NOS1: variants seen among roughly 807,000 people sequenced by gnomAD.
NOS1 encodes the protein nitric oxide synthase 1, also known as NOS type I.
Under a neutral mutation model 164.5 loss-of-function variants are expected in NOS1, and 51 were observed. That is an observed-to-expected ratio of 0.31 (90% CI 0.25 to 0.39). The LOEUF (loss-of-function observed/expected upper bound fraction) is 0.39. Ranked by LOEUF, NOS1 falls within the 10% of genes least tolerant of loss-of-function variation. NOS1 has a pLI of 1.00. For synonymous variants in NOS1, 719 were observed against 745.8 expected (o/e 0.96, Z 0.59); for missense variants, 1,362 against 1,885.6 (o/e 0.72, Z 5.14).
In NOS1 at chr12:117,262,474, A is replaced by G. The variant is rs530705178; in HGVS notation, c.2222+1415T>C. 4.6e-3 allele frequency among the ~76,000 whole-genome samples: 565 copies of G among 123,346 alleles called. 4 individuals are homozygous for G. Among genetic ancestry groups the G allele is most frequent in the African/African-American group, 0.018 (521 of 29,374 alleles). 80.9% of individuals were successfully genotyped at this position (123,346 alleles called of 152,430 possible). On this transcript the variant is annotated intron_variant, in intron 13 of 28. Transcript: ENST00000317775. ...AGAGAGAGGAGAGGGAGGGAGGGAG[A>G]GAAAGGGGGAGGGGGAGAGAGAGAG...
chr12:117,291,529 C>CTTTTTTTTT (rs565345654), intron 3 of NOS1, among the ~76,000 whole-genome samples: 1,562 of 97,318 alleles, frequency 0.016, 78 homozygotes, highest in Non-Finnish European at 0.023. Flanking sequence ...TTACATCTGT[C>CTTTTTTTTT]TTTTTTTTTT....
intron 28 of NOS1, 35 bp from the exon 29 acceptor site, chr12:117,215,359 C>T: frequency 6.7e-7 from 1 of 1,502,282 alleles, no homozygotes; most frequent in Non-Finnish European, 8.9e-7. Flanking sequence ...AGTTAGTGCC[C>T]CAAGGGCAAG....
intron 2 of NOS1, among the ~76,000 whole-genome samples, chr12:117,313,436 A>G (rs985489021): frequency 6.6e-6 from 1 of 152,086 alleles, no homozygotes; most frequent in African/African-American, 2.4e-5. Context: ...CTGGGACTAC[A>G]GGCGTGCACC....
intron 1 of NOS1, among the ~76,000 whole-genome samples, chr12:117,339,999 G>C (rs1876021356): frequency 6.6e-6 from 1 of 152,104 alleles, no homozygotes; most frequent in South Asian, 2.1e-4. Context: ...ATATTAGATT[G>C]CTATTCTTTA....
intron 7 of NOS1, 144 bp downstream of exon 7, chr12:117,285,097 G>C (rs567251107): frequency 3.2e-6 from 1 of 313,686 alleles, no homozygotes; most frequent in African/African-American, 2.2e-5. Flanking sequence ...AAAAAAAAAA[G>C]ATGCCAGGAC....
intron 1 of NOS1, among the ~76,000 whole-genome samples, chr12:117,354,630 G>T (rs755098981): frequency 1.8e-4 from 28 of 152,140 alleles, no homozygotes; most frequent in Non-Finnish European, 4.4e-5. Flanking sequence ...TCCTGGAAAT[G>T]ACATAGAGCC....
intron 21 of NOS1, among the ~76,000 whole-genome samples, chr12:117,233,034 C>CTT (rs34474757): frequency 0.17 from 15,012 of 88,202 alleles, 1,868 homozygotes; most frequent in Middle Eastern, 0.23. Flanking sequence ...TGCCTCACTA[C>CTT]TTTTTTTTTT....
intron 2 of NOS1, among the ~76,000 whole-genome samples, chr12:117,320,553 T>A (rs1458070729): frequency 6.6e-6 from 1 of 152,058 alleles, no homozygotes; most frequent in Non-Finnish European, 1.5e-5. Context: ...CTTAAGACCG[T>A]CAGAATGATA....
intron 2 of NOS1, among the ~76,000 whole-genome samples, chr12:117,328,210 G>A (rs1166682843): frequency 6.6e-6 from 1 of 152,028 alleles, no homozygotes; most frequent in East Asian, 1.9e-4. Flanking sequence ...TCACTCTGTG[G>A]TCCAGGCTGG....
Position 117,236,167 on chromosome 12 carries a change from C to G in NOS1, c.3042-1409G>C, listed in dbSNP as rs539978790. On this transcript the variant is annotated intron_variant, in intron 20 of 28. Coordinates refer to ENST00000317775, the MANE Select transcript of NOS1 (RefSeq NM_000620.5). ...TTTGAGAAATCAAATCCTTTGCACC[C>G]TTTGAGCTACGATTGCTTTTTCAGA... Among the ~76,000 whole-genome samples, 3 of 152,316 alleles carry G rather than the reference C, an allele frequency of 2.0e-5. No individual in the cohort carries two copies. In the South Asian group the frequency reaches 6.2e-4, roughly 32 times the overall value.
intron 16 of NOS1, 95 bp downstream of exon 16, chr12:117,258,302 C>T: frequency 1.6e-6 from 2 of 1,218,176 alleles, no homozygotes; most frequent in South Asian, 2.5e-5. Flanking sequence ...ATTACAGCCA[C>T]CATCCAGAAC....
At position 117,243,161 on chromosome 12, in the gene NOS1, A is replaced by G; in HGVS notation, c.2962+136T>C. 3.0e-6 allele frequency: 3 copies of G among 1,009,574 alleles called. No homozygotes were observed. Among genetic ancestry groups the G allele is most frequent in the Non-Finnish European group, 4.4e-6 (3 of 685,860 alleles). 62.5% of individuals were successfully genotyped at this position (1,009,574 alleles called of 1,614,324 possible). A position where few individuals can be genotyped will look rare whatever the true frequency, so the allele number is the denominator to read the frequency against. ...ACTGAGTGTGGGAGAGCAGCAAAGTATTCATTTTGGTAGGACTGCACTAAA... is the reference window on the plus strand; with the variant it reads ...ACTGAGTGTGGGAGAGCAGCAAAGTGTTCATTTTGGTAGGACTGCACTAAA... On this transcript the variant is annotated intron_variant, in intron 19 of 28. Transcript: ENST00000317775. The surrounding 1 kb of genome is among the most constrained non-coding windows in gnomAD (Gnocchi z 4.3).
intron 20 of NOS1, among the ~76,000 whole-genome samples, chr12:117,242,266 T>A (rs145458425): frequency 1.3e-5 from 2 of 152,160 alleles, no homozygotes; most frequent in African/African-American, 4.8e-5. Context: ...TAGCACTCCA[T>A]TAAAAAAATT....
At chr12:117,268,180 G>A (rs9658383) in intron 10 of NOS1, 36 bp from the exon 11 acceptor site, 2 of 1,406,560 alleles carry the variant, frequency 1.4e-6, no homozygotes, top group Admixed American at 3.4e-5. Flanking sequence ...TACAGGCTGG[G>A]GTATCTCTGG....
chr12:117,286,329 G>A (rs1447568909), intron 5 of NOS1, 63 bp from the exon 6 acceptor site: 1 of 1,556,816 alleles, frequency 6.4e-7, no homozygotes, highest in Non-Finnish European at 8.8e-7. Flanking sequence ...GTTAGTGGAA[G>A]GGGAGAGCTA....
At chr12:117,315,075 G>A (rs1326661676) in intron 2 of NOS1, among the ~76,000 whole-genome samples, 1 of 152,182 alleles carries the variant, frequency 6.6e-6, no homozygotes, top group African/African-American at 2.4e-5. Flanking sequence ...TGAATTTGCA[G>A]AGAGAGTTTC....
chr12:117,343,662 A>G (rs1876217435), intron 1 of NOS1, among the ~76,000 whole-genome samples: 1 of 152,200 alleles, frequency 6.6e-6, no homozygotes, highest in Non-Finnish European at 1.5e-5. Context: ...ACAATGTTGA[A>G]TGTTTATTTT....
chr12:117,243,308 T>A lies in NOS1; in HGVS notation c.2951A>T (p.Glu984Val). Residue 984 changes from glutamate (E) to valine (V), a missense_variant, in exon 19 of 29, where the codon GAA (glutamate) becomes GTA (valine). Physicochemically the swap from Glu to Val is moderately radical, Grantham distance 121. This residue lies in a region of NOS1 where 737 missense variants were observed against 1,030.3 expected (regional missense o/e 0.72). Coordinates refer to ENST00000317775, the MANE Select transcript of NOS1 (RefSeq NM_000620.5). The surrounding 1 kb of genome is among the most constrained non-coding windows in gnomAD (Gnocchi z 4.3). ...FRLTFVAEAP[E>V]LTQGLSNVHK... ...GTGGTGGGAGGTACCTTGTGTGAGT[T>A]CTGGAGCTTCGGCCACAAAGGTGAG... The A allele has an allele frequency of 6.2e-7, 1 of 1,614,138 alleles. No homozygotes were observed. The highest frequency in any genetic ancestry group is 2.2e-5 in the East Asian group (1 of 44,872).
At chr12:117,288,006 G>A in intron 5 of NOS1, 68 bp downstream of exon 5, 1 of 1,591,334 alleles carries the variant, frequency 6.3e-7, no homozygotes, top group Non-Finnish European at 8.6e-7. Context: ...TGCAAAGTTG[G>A]GGCTGACATC....
Sources: gnomAD v4.1 joint callset for allele counts (sites outside exome capture counted in the v4.1 genomes callset) on GRCh38, gnomAD v4.1.1 for gene constraint, gnomAD v4.1.1 regional missense constraint, Gnocchi (gnomAD v3.1) non-coding constraint, MANE v1.5 for transcripts, NCBI Gene and HGNC (gene_info 2026-07-23, HGNC 2026-07-21) for gene names.